The following VOPP1 variants were observed in gnomAD, a reference collection of about 807,000 sequenced individuals.
VOPP1 encodes the protein WW domain binding protein VOPP1.
In VOPP1, 8 loss-of-function variants were observed where a neutral mutation model predicts 23.5. That is an observed-to-expected ratio of 0.34 (90% CI 0.20 to 0.61). The LOEUF (loss-of-function observed/expected upper bound fraction) is 0.61. VOPP1 is among the 20% of genes least tolerant of loss of function. The pLI is 0.78. For missense variants in VOPP1, 174 were observed against 238.1 expected, an observed-to-expected ratio of 0.73 and a Z score of 1.77; for synonymous variants, 83 against 97.3, an observed-to-expected ratio of 0.85 and a Z score of 0.86.
chr7:55,452,901 T>G (rs551144425), intron 4 of VOPP1, among the ~76,000 whole-genome samples: 1 of 152,348 alleles, frequency 6.6e-6, no homozygotes, highest in South Asian at 2.1e-4. Flanking sequence ...AGCACTGGCT[T>G]CAACTTAGCT....
At chr7:55,467,594 G>C (rs111273392), downstream of VOPP1, among the ~76,000 whole-genome samples, 1,832 of 152,304 alleles carry the variant, frequency 0.012, 13 homozygotes, top group Admixed American at 0.021. Flanking sequence ...ACTTTTTTGG[G>C]CTGTTACAGA....
At chr7:55,492,463 C>G in intron 3 of VOPP1, 45 bp from the exon 4 acceptor site, 1 of 1,564,724 alleles carries the variant, frequency 6.4e-7, no homozygotes, top group South Asian at 1.2e-5. Flanking sequence ...AGGTGGGGGC[C>G]CTGAGGGCTT....
chr7:55,524,489 C>T (rs1337285603), intron 1 of VOPP1, among the ~76,000 whole-genome samples: 1 of 152,186 alleles, frequency 6.6e-6, no homozygotes, highest in East Asian at 1.9e-4. Flanking sequence ...CAGCTTTCTC[C>T]TGAGGAATGC....
chr7:55,480,824 G>A (rs1028611180), intron 4 of VOPP1, among the ~76,000 whole-genome samples: 4 of 152,346 alleles, frequency 2.6e-5, no homozygotes, highest in Admixed American at 2.0e-4. Flanking sequence ...AATTCTCACT[G>A]AGTGCCAGCA....
chr7:55,504,939 G>C (rs560375538), intron 2 of VOPP1, among the ~76,000 whole-genome samples: 2 of 152,346 alleles, frequency 1.3e-5, no homozygotes, highest in African/African-American at 2.4e-5. Flanking sequence ...GTTCTTCTCA[G>C]TAAGTTCTGT....
At chr7:55,537,383 G>C (rs567518550) in intron 1 of VOPP1, 21 of 1,381,614 alleles carry the variant, frequency 1.5e-5, no homozygotes, top group Middle Eastern at 3.5e-4. Flanking sequence ...CACTGATTTC[G>C]TGCTCCAGCC....
chr7:55,541,487 C>T (rs1286262096), intron 1 of VOPP1, among the ~76,000 whole-genome samples: 3 of 152,214 alleles, frequency 2.0e-5, no homozygotes, highest in African/African-American at 7.2e-5. Context: ...AAATGTGGAA[C>T]ATTTGACCCC....
chr7:55,475,192 G>C (rs989126077), intron 4 of VOPP1, among the ~76,000 whole-genome samples: 4 of 152,222 alleles, frequency 2.6e-5, no homozygotes, highest in Non-Finnish European at 5.9e-5. Context: ...ACAGGACAGA[G>C]AGAACTTTCG....
chr7:55,509,273 AC>A (rs1270150769), intron 2 of VOPP1, among the ~76,000 whole-genome samples: 1 of 152,122 alleles, frequency 6.6e-6, no homozygotes, highest in Non-Finnish European at 1.5e-5. Context: ...ATAATAAAAT[AC>A]CACAGCTTGG....
At chr7:55,526,411 T>C (rs1796195537) in intron 1 of VOPP1, among the ~76,000 whole-genome samples, 2 of 152,212 alleles carry the variant, frequency 1.3e-5, no homozygotes, top group African/African-American at 4.8e-5. Context: ...GTAATCCTCA[T>C]AGTGACATAA....
chr7:55,541,362 A>C (rs938540968), intron 1 of VOPP1, among the ~76,000 whole-genome samples: 5 of 152,256 alleles, frequency 3.3e-5, no homozygotes, highest in Non-Finnish European at 5.9e-5. Context: ...AAATGAAAAG[A>C]AGCTCAACAA....
At chr7:55,498,600 C>T (rs1198868978) in intron 2 of VOPP1, among the ~76,000 whole-genome samples, 2 of 152,158 alleles carry the variant, frequency 1.3e-5, no homozygotes, top group African/African-American at 4.8e-5. Context: ...AATGGATTGG[C>T]AGGGATGTGG....
At chr7:55,555,292 C>A (rs763973783) in intron 1 of VOPP1, among the ~76,000 whole-genome samples, 1 of 152,172 alleles carries the variant, frequency 6.6e-6, no homozygotes, top group African/African-American at 2.4e-5. Context: ...CGACCACCCC[C>A]CAGCTCAATC....
At chr7:55,443,302 C>T (rs1791012855) in intron 4 of VOPP1, among the ~76,000 whole-genome samples, 1 of 152,128 alleles carries the variant, frequency 6.6e-6, no homozygotes, top group South Asian at 2.1e-4. Flanking sequence ...CGCCTGTAAT[C>T]CCAGCACTTT....
downstream of VOPP1, among the ~76,000 whole-genome samples, chr7:55,466,608 G>T (rs1791637891): frequency 6.6e-6 from 1 of 152,024 alleles, no homozygotes; most frequent in Admixed American, 6.5e-5. Context: ...GAGATCCAGG[G>T]GCTGTGGGAA....
intron 4 of VOPP1, among the ~76,000 whole-genome samples, chr7:55,438,006 T>C (rs933348373): frequency 1.3e-5 from 2 of 151,920 alleles, no homozygotes; most frequent in African/African-American, 4.8e-5. Flanking sequence ...GTGATTCTCA[T>C]GCCTCAGCCT....
intron 4 of VOPP1, among the ~76,000 whole-genome samples, chr7:55,453,487 G>A (rs1791292301): frequency 1.3e-5 from 2 of 152,156 alleles, no homozygotes; most frequent in East Asian, 1.9e-4. Context: ...CCATTGTAGG[G>A]TTACTAACTA....
chr7:55,556,646 A>C (rs111565703), intron 1 of VOPP1, among the ~76,000 whole-genome samples: 1 of 122,894 alleles, frequency 8.1e-6, no homozygotes, highest in Non-Finnish European at 1.8e-5. Flanking sequence ...ACCCCCCCCC[A>C]AAACACTTCA....
intron 1 of VOPP1, among the ~76,000 whole-genome samples, chr7:55,550,242 T>A (rs1200175499): frequency 6.6e-6 from 1 of 152,188 alleles, no homozygotes; most frequent in African/African-American, 2.4e-5. Context: ...CAGCAGCCAC[T>A]AGGTGCCGCA....
Sources: gnomAD v4.1 joint callset for allele counts (sites outside exome capture counted in the v4.1 genomes callset) on GRCh38, gnomAD v4.1.1 for gene constraint, MANE v1.5 for transcripts, NCBI Gene and HGNC (gene_info 2026-07-23, HGNC 2026-07-21) for gene names.